IL1RAPL2: variants seen among roughly 807,000 people sequenced by gnomAD.
IL1RAPL2 encodes the protein X-linked interleukin-1 receptor accessory protein-like 2.
Under a neutral mutation model 44.1 loss-of-function variants are expected in IL1RAPL2, and 3 were observed. The ratio of observed to expected loss-of-function variants is 0.07; its 90% CI spans 0.03 to 0.18. The LOEUF (loss-of-function observed/expected upper bound fraction) is 0.18. Among genes scored for constraint, IL1RAPL2 ranks in the 10% least tolerant of loss-of-function variants. The probability of loss-of-function intolerance (pLI) is 1.00; values close to 1 mark genes in which losing one functional copy is unlikely to be tolerated. For synonymous variants in IL1RAPL2, 181 were observed against 178.8 expected, an observed-to-expected ratio of 1.01 and a Z score of -0.10; for missense variants, 391 against 496.4, an observed-to-expected ratio of 0.79 and a Z score of 2.02.
At chrX:105,205,515 G>A (rs1393504086) in intron 3 of IL1RAPL2, among the ~76,000 whole-genome samples, 2 of 97,543 alleles carry the variant, frequency 2.1e-5, no homozygotes, top group African/African-American at 7.5e-5. Context: ...GCTGGAACCT[G>A]GGAGGTGGAG....
intron 1 of IL1RAPL2, among the ~76,000 whole-genome samples, chrX:104,571,241 T>A (rs1232230941): frequency 8.9e-6 from 1 of 112,260 alleles, no homozygotes; most frequent in African/African-American, 3.2e-5. Context: ...GGATTAATCT[T>A]CCTGTAGCTC....
intron 2 of IL1RAPL2, among the ~76,000 whole-genome samples, chrX:104,857,093 C>T (rs1316934168): frequency 1.4e-4 from 16 of 111,839 alleles, no homozygotes; most frequent in African/African-American, 5.2e-4. Flanking sequence ...GTGTGACAAG[C>T]CACTCTTTCT....
At chrX:105,314,859 A>C (rs1042143847) in intron 5 of IL1RAPL2, among the ~76,000 whole-genome samples, 9 of 111,817 alleles carry the variant, frequency 8.0e-5, no homozygotes, top group African/African-American at 2.9e-4. Context: ...CTAGTTCTCT[A>C]GGGAAGAATA....
intron 4 of IL1RAPL2, among the ~76,000 whole-genome samples, chrX:105,235,840 T>A (rs1405462943): frequency 3.6e-5 from 4 of 112,015 alleles, no homozygotes; most frequent in Non-Finnish European, 7.5e-5. Context: ...TATCCTAATT[T>A]AATGGAGAAC....
At chrX:105,219,866 TG>T (rs782359455) in intron 3 of IL1RAPL2, 287 of 1,059,635 alleles carry the variant, frequency 2.7e-4, no homozygotes, top group Non-Finnish European at 3.5e-4. Context: ...GGCGAAGCCA[TG>T]GAGCAGGGTG....
intron 2 of IL1RAPL2, among the ~76,000 whole-genome samples, chrX:104,929,785 G>T (rs1284050041): frequency 9.0e-6 from 1 of 111,381 alleles, no homozygotes; most frequent in Non-Finnish European, 1.9e-5. Context: ...TGCCACAAAA[G>T]ACACTTCATG....
intron 2 of IL1RAPL2, among the ~76,000 whole-genome samples, chrX:105,076,075 C>T (rs1279352036): frequency 1.8e-5 from 2 of 110,663 alleles, no homozygotes; most frequent in Non-Finnish European, 3.8e-5. Flanking sequence ...TATTTCTTGC[C>T]TTCTGCTAGC....
chrX:104,772,573 C>A (rs1158382643), intron 2 of IL1RAPL2, among the ~76,000 whole-genome samples: 4 of 112,116 alleles, frequency 3.6e-5, no homozygotes, highest in Non-Finnish European at 7.5e-5. Flanking sequence ...TAAAGGTAAT[C>A]TGAGTGTTAG....
At chrX:105,297,507 G>T (rs1326345426) in intron 5 of IL1RAPL2, among the ~76,000 whole-genome samples, 2 of 110,753 alleles carry the variant, frequency 1.8e-5, no homozygotes, top group Non-Finnish European at 3.8e-5. Context: ...TACAGTCATG[G>T]CAGGGAGGCG....
At chrX:105,173,565 C>A (rs1179834064) in intron 2 of IL1RAPL2, among the ~76,000 whole-genome samples, 1 of 110,927 alleles carries the variant, frequency 9.0e-6, no homozygotes, top group Non-Finnish European at 1.9e-5. Context: ...TGCTCAATGA[C>A]AGATAAATAA....
chrX:105,217,406 C>A (rs1412805482), intron 3 of IL1RAPL2, among the ~76,000 whole-genome samples: 1 of 111,786 alleles, frequency 8.9e-6, no homozygotes, highest in East Asian at 2.8e-4. Flanking sequence ...TGAGATACCA[C>A]CTCACACCAG....
chrX:105,562,051 T>C (rs955738932), intron 6 of IL1RAPL2, among the ~76,000 whole-genome samples: 1 of 111,145 alleles, frequency 9.0e-6, no homozygotes, highest in African/African-American at 3.3e-5. Context: ...CCTTCTTGCT[T>C]CCCATTCCCA....
chrX:105,667,113 C>T (rs1436375251), intron 6 of IL1RAPL2, among the ~76,000 whole-genome samples: 3 of 112,228 alleles, frequency 2.7e-5, no homozygotes, highest in Admixed American at 9.5e-5. Context: ...TAGCTTGGCA[C>T]TGATCACGAC....
chrX:104,576,602 G>A (rs1928248523), intron 1 of IL1RAPL2, among the ~76,000 whole-genome samples: 1 of 111,608 alleles, frequency 9.0e-6, no homozygotes, highest in Admixed American at 9.5e-5. Context: ...AGGGATGATG[G>A]GGTAAAACCT....
chrX:104,995,355 A>G (rs1294768282), intron 2 of IL1RAPL2, among the ~76,000 whole-genome samples: 3 of 112,024 alleles, frequency 2.7e-5, no homozygotes, highest in Non-Finnish European at 3.8e-5. Flanking sequence ...ATAAGTGGCT[A>G]TTAAAAGTAA....
At chrX:104,654,580 G>A (rs750666543) in intron 1 of IL1RAPL2, among the ~76,000 whole-genome samples, 37 of 111,610 alleles carry the variant, frequency 3.3e-4, no homozygotes, top group Admixed American at 5.7e-4. Flanking sequence ...GCCTTTGAAA[G>A]TCTAATGATT....
intron 2 of IL1RAPL2, among the ~76,000 whole-genome samples, chrX:104,719,205 A>T (rs776419165): frequency 1.8e-5 from 2 of 112,491 alleles, no homozygotes; most frequent in Non-Finnish European, 3.8e-5. Context: ...GTATCTAATT[A>T]TATGTGAACC....
intron 4 of IL1RAPL2, among the ~76,000 whole-genome samples, chrX:105,241,829 G>A (rs5962486): frequency 0.17 from 18,761 of 110,848 alleles, 3,159 homozygotes; most frequent in African/African-American, 0.52. Flanking sequence ...AACCTAAATC[G>A]TCATTTAACC....
intron 6 of IL1RAPL2, among the ~76,000 whole-genome samples, chrX:105,599,589 C>A (rs957022025): frequency 1.8e-5 from 2 of 110,771 alleles, no homozygotes; most frequent in Non-Finnish European, 3.8e-5. Context: ...GTAATCAAGA[C>A]AAATAATATT....
Sources: gnomAD v4.1 joint callset for allele counts (sites outside exome capture counted in the v4.1 genomes callset) on GRCh38, gnomAD v4.1.1 for gene constraint, MANE v1.5 for transcripts, NCBI Gene and HGNC (gene_info 2026-07-23, HGNC 2026-07-21) for gene names.